The following IGSF10 variants were observed in gnomAD, a reference collection of about 807,000 sequenced individuals.
IGSF10 encodes the protein immunoglobulin superfamily member 10.
IGSF10 carries 126 observed loss-of-function variants against 128.2 expected under a neutral mutation model. The observed-to-expected ratio is 0.98, with a 90% CI of 0.85 to 1.14. The LOEUF (loss-of-function observed/expected upper bound fraction) is 1.14. Ranked by LOEUF, IGSF10 falls within the 50% of genes most tolerant of loss-of-function variation. The pLI is 0.00. For missense variants in IGSF10, 3,295 were observed against 3,149.8 expected (o/e 1.05, Z -1.10); for synonymous variants, 1,185 against 1,146.2 (o/e 1.03, Z -0.68).
the IGSF10 span, among the ~76,000 whole-genome samples, chr3:151,519,516 A>G: frequency 2.0e-5 from 3 of 151,734 alleles, no homozygotes; most frequent in African/African-American, 7.3e-5. Context: ...TATTAATATG[A>G]CTGGGAGTCA....
Position 151,445,058 on chromosome 3 carries a change from A to C in IGSF10, c.4923T>G (p.Ser1641=). 2 of 1,614,224 alleles carry C rather than the reference A, an allele frequency of 1.2e-6. No individual in the cohort carries two copies. The highest frequency in any genetic ancestry group is 2.2e-5 in the South Asian group (2 of 91,080). The change falls in exon 6 of 8, where the codon TCT becomes TCG. Residue 1641 remains serine, a synonymous_variant. Coordinates refer to ENST00000282466, the MANE Select transcript of IGSF10 (RefSeq NM_178822.5). ...TSKLLPFDSL[S]RYIFEKPRIV... ...TCCTGGGCTTTTCAAATATATACCTAGACAAAGAGTCAAAGGGAAGGAGTT... is the reference window on the plus strand; with the variant it reads ...TCCTGGGCTTTTCAAATATATACCTCGACAAAGAGTCAAAGGGAAGGAGTT...
At chr3:151,554,573 T>C in the IGSF10 span, among the ~76,000 whole-genome samples, 2 of 152,214 alleles carry the variant, frequency 1.3e-5, no homozygotes, top group Non-Finnish European at 2.9e-5. Context: ...TAAAATCTTG[T>C]CTAGTTTCAT....
chr3:151,494,796 C>T, the IGSF10 span, among the ~76,000 whole-genome samples: 1 of 151,992 alleles, frequency 6.6e-6, no homozygotes, highest in African/African-American at 2.4e-5. Flanking sequence ...AATTCATGTG[C>T]CAGGATTTGC....
At chr3:151,475,027 C>A in the IGSF10 span, among the ~76,000 whole-genome samples, 3 of 152,152 alleles carry the variant, frequency 2.0e-5, no homozygotes, top group Non-Finnish European at 4.4e-5. Flanking sequence ...TATTAAGGAG[C>A]ATGTCTTAGG....
At chr3:151,616,953 C>G in the IGSF10 span, among the ~76,000 whole-genome samples, 1 of 152,154 alleles carries the variant, frequency 6.6e-6, no homozygotes, top group Non-Finnish European at 1.5e-5. Context: ...CAGGGTGGCA[C>G]AGGACATCAC....
At chr3:151,617,338 T>C in the IGSF10 span, among the ~76,000 whole-genome samples, 440 of 125,240 alleles carry the variant, frequency 3.5e-3, 16 homozygotes, top group African/African-American at 9.1e-3. Flanking sequence ...CTCCTCCCCC[T>C]CCTCCTCCTC....
the IGSF10 span, among the ~76,000 whole-genome samples, chr3:151,563,699 G>A: frequency 2.0e-5 from 3 of 151,946 alleles, no homozygotes; most frequent in Non-Finnish European, 4.4e-5. Context: ...TGAATTTGCA[G>A]CGTTTAAAAA....
the IGSF10 span, among the ~76,000 whole-genome samples, chr3:151,550,837 G>A: frequency 3.3e-5 from 5 of 152,010 alleles, no homozygotes; most frequent in Non-Finnish European, 7.4e-5. Flanking sequence ...TTCATATCCT[G>A]GTCTGTTCCT....
Position 151,437,411 on chromosome 3 carries a change from G to C in IGSF10, c.7150C>G (p.Gln2384Glu). ...PNGTRFSNGPQSYQYLIASNG... is the reference protein window; with the variant it reads ...PNGTRFSNGPESYQYLIASNG... ...CTTGCTATCAGATACTGATAACTTT[G>C]TGGTCCATTGGAAAATCGTGTGCCA... Residue 2384 changes from glutamine (Q) to glutamate (E), a missense_variant, in exon 8 of 8, where the codon CAA (glutamine) becomes GAA (glutamate). Physicochemically the swap from Gln to Glu is conservative, Grantham distance 29. Coordinates refer to ENST00000282466, the MANE Select transcript of IGSF10 (RefSeq NM_178822.5). 6.2e-7 allele frequency: 1 copy of C among 1,614,152 alleles called. No homozygotes were observed. The highest frequency in any genetic ancestry group is 1.1e-5 in the South Asian group (1 of 91,078).
chr3:151,510,535 G>GAA, the IGSF10 span, among the ~76,000 whole-genome samples: 1 of 152,140 alleles, frequency 6.6e-6, no homozygotes, highest in Non-Finnish European at 1.5e-5. Flanking sequence ...AGAAAAACTG[G>GAA]AAACTCTAAA....
At chr3:151,609,652 T>C in the IGSF10 span, among the ~76,000 whole-genome samples, 1 of 152,144 alleles carries the variant, frequency 6.6e-6, no homozygotes, top group South Asian at 2.1e-4. Flanking sequence ...TTAAATACTG[T>C]GCGGCAATAA....
rs779967015 is a variant in IGSF10 at position 151,443,546 on chromosome 3, C to T, written c.5401G>A (p.Val1801Ile). The change falls in exon 7 of 8, where the codon GTT becomes ATT. Residue 1801 changes from valine to isoleucine, a missense_variant. By Grantham distance (29) the Val-to-Ile change is conservative. Coordinates refer to ENST00000282466, the MANE Select transcript of IGSF10 (RefSeq NM_178822.5). ...TTGTGGAGGACCAATGTTCCGTCAA[C>T]CGTCACCACAGCCTGCCTACTTCCC... ...SQGSRQAVVT[V>I]DGTLVLHNLS... 2 of 1,614,222 alleles carry T rather than the reference C, an allele frequency of 1.2e-6. No individual in the cohort carries two copies. Among genetic ancestry groups the T allele is most frequent in the Non-Finnish European group, 8.5e-7 (1 of 1,180,042 alleles).
the IGSF10 span, among the ~76,000 whole-genome samples, chr3:151,517,946 G>A: frequency 5.6e-3 from 847 of 151,876 alleles, 4 homozygotes; most frequent in Non-Finnish European, 8.0e-3. Context: ...CTCACCTTAC[G>A]AACCCCAGAG....
At chr3:151,459,898 T>C (rs376219140) in intron 2 of IGSF10, among the ~76,000 whole-genome samples, 1 of 152,348 alleles carries the variant, frequency 6.6e-6, no homozygotes, top group African/African-American at 2.4e-5. Flanking sequence ...ACACTGGGGC[T>C]GAACTGCTTG....
the IGSF10 span, among the ~76,000 whole-genome samples, chr3:151,510,224 C>T: frequency 6.6e-6 from 1 of 152,218 alleles, no homozygotes; most frequent in African/African-American, 2.4e-5. Flanking sequence ...GAGGCAACCC[C>T]CAGTAGGGGC....
At position 151,447,691 on chromosome 3, in the gene IGSF10, T is replaced by C; in HGVS notation, c.2290A>G (p.Lys764Glu). The C allele has an allele frequency of 1.2e-6, 2 of 1,614,214 alleles. No homozygotes were observed. Among genetic ancestry groups the C allele is most frequent in the Non-Finnish European group, 1.7e-6 (2 of 1,180,050 alleles). The change falls in exon 6 of 8, where the codon AAA (lysine) becomes GAA (glutamate). Residue 764 changes from lysine to glutamate, a missense_variant. Physicochemically the swap from Lys to Glu is moderately conservative, Grantham distance 56 (BLOSUM62 1). Coordinates refer to ENST00000282466, the MANE Select transcript of IGSF10 (RefSeq NM_178822.5). Reference sequence around the variant, plus strand: ...CGCTTGTCTGGCATAGCATTCTTTTTAGCTTTCTCCAACAGTGCCGCCCAA... The same window carrying C: ...CGCTTGTCTGGCATAGCATTCTTTTCAGCTTTCTCCAACAGTGCCGCCCAA... ...QHWAALLEKA[K>E]KNAMPDKREN...
the IGSF10 span, among the ~76,000 whole-genome samples, chr3:151,527,638 A>G: frequency 1.3e-5 from 2 of 152,204 alleles, no homozygotes; most frequent in Non-Finnish European, 2.9e-5. Context: ...TAAGCAGGAG[A>G]AAAAGCATTG....
intron 5 of IGSF10, 131 bp from the exon 6 acceptor site, chr3:151,449,396 A>AT (rs1205091793): frequency 1.2e-6 from 1 of 868,542 alleles, no homozygotes; most frequent in African/African-American, 1.7e-5. Context: ...AAGTTTTCTG[A>AT]TTTTTTGCTT....
downstream of IGSF10, chr3:151,432,719 T>G (rs753453243): frequency 4.4e-6 from 7 of 1,574,402 alleles, no homozygotes; most frequent in African/African-American, 6.7e-5. Context: ...GTTTTGTGTC[T>G]GTAATTTTGG....
Sources: allele counts gnomAD v4.1 joint callset (sites outside exome capture counted in the v4.1 genomes callset), GRCh38; gene constraint gnomAD v4.1.1; transcripts MANE v1.5; gene names NCBI Gene and HGNC (gene_info 2026-07-23, HGNC 2026-07-21).